The following CUL3 variants were observed in gnomAD, a reference collection of about 807,000 sequenced individuals.
CUL3 encodes cullin 3.
In CUL3, 19 loss-of-function variants were observed where a neutral mutation model predicts 89.1. That is an observed-to-expected ratio of 0.21 (90% confidence interval 0.15 to 0.31). The LOEUF (loss-of-function observed/expected upper bound fraction) is 0.31. CUL3 is among the 10% of genes least tolerant of loss of function. The probability of loss-of-function intolerance (pLI) is 1.00; values close to 1 mark genes in which losing one functional copy is unlikely to be tolerated. For missense variants in CUL3, 469 were observed against 942.3 expected (o/e 0.50, Z 6.58); for synonymous variants, 351 against 308.4 (o/e 1.14, Z -1.45).
At chr2:224,563,122 T>C (rs1008716742) in intron 1 of CUL3, 8 of 389,524 alleles carry the variant, frequency 2.1e-5, no homozygotes, top group African/African-American at 4.3e-5. Context: ...ATATAGCTTT[T>C]TCAAGCTTAG....
chr2:224,486,222 ACTC>A (rs1383242566), intron 13 of CUL3, among the ~76,000 whole-genome samples: 1 of 152,090 alleles, frequency 6.6e-6, no homozygotes, highest in Non-Finnish European at 1.5e-5. Flanking sequence ...AAGGATCAGA[ACTC>A]CTCGCCAGCA....
intron 12 of CUL3, among the ~76,000 whole-genome samples, chr2:224,496,383 T>C (rs1692173320): frequency 6.6e-6 from 1 of 152,170 alleles, no homozygotes; most frequent in Admixed American, 6.5e-5. Context: ...ATAATCTCCA[T>C]CCTCCCCCAA....
At chr2:224,566,917 T>TAAC (rs1255223989) in intron 1 of CUL3, among the ~76,000 whole-genome samples, 1 of 151,982 alleles carries the variant, frequency 6.6e-6, no homozygotes, top group Non-Finnish European at 1.5e-5. Flanking sequence ...AACTTCCTTT[T>TAAC]AACAATGGTC....
chr2:224,574,589 C>T (rs1695257902), intron 1 of CUL3, among the ~76,000 whole-genome samples: 1 of 152,188 alleles, frequency 6.6e-6, no homozygotes, highest in African/African-American at 2.4e-5. Context: ...AGGGAGCTTT[C>T]AAAGATTTCT....
intron 2 of CUL3, among the ~76,000 whole-genome samples, chr2:224,551,466 A>C (rs1694514436): frequency 6.6e-6 from 1 of 151,484 alleles, no homozygotes; most frequent in South Asian, 2.1e-4. Flanking sequence ...GGGCCTCCCA[A>C]AGTGCTGGGA....
chr2:224,489,221 C>A (rs1691859650), intron 13 of CUL3, among the ~76,000 whole-genome samples: 1 of 152,194 alleles, frequency 6.6e-6, no homozygotes, highest in Non-Finnish European at 1.5e-5. Context: ...CCTCTCTCAC[C>A]ACTGCTATTC....
At chr2:224,538,152 T>TAC (rs766201163) in intron 2 of CUL3, among the ~76,000 whole-genome samples, 34 of 151,930 alleles carry the variant, frequency 2.2e-4, no homozygotes, top group African/African-American at 7.5e-4. Flanking sequence ...CAATTATGCA[T>TAC]ACACACACAC....
Position 224,500,558 on chromosome 2 carries a change from G to A in CUL3, c.1486-71C>T. 8 of 1,441,582 alleles carry A rather than the reference G, an allele frequency of 5.5e-6. No homozygotes were observed. The South Asian group carries it at 1.1e-4, about 19-fold the overall frequency. The allele number at this position is 1,441,582 out of a possible 1,614,324, so 89.3% of individuals were successfully genotyped here. A position where few individuals can be genotyped will look rare whatever the true frequency, so the allele number is the denominator to read the frequency against. ...TTGCTTTCTGTTCTGTTTAGACATTGTGTTAGATTTACCAAAGCAGTTAGC... is the reference window on the plus strand; with the variant it reads ...TTGCTTTCTGTTCTGTTTAGACATTATGTTAGATTTACCAAAGCAGTTAGC... On this transcript the variant is annotated intron_variant, in intron 10 of 15. Coordinates refer to ENST00000264414, the MANE Select transcript of CUL3 (RefSeq NM_003590.5).
chr2:224,575,111 G>A (rs908997638), intron 1 of CUL3, among the ~76,000 whole-genome samples: 26 of 152,270 alleles, frequency 1.7e-4, no homozygotes, highest in South Asian at 4.1e-4. Flanking sequence ...TAATTGAAAG[G>A]GAAGAATGCT....
chr2:224,575,173 T>C (rs879416783), intron 1 of CUL3, among the ~76,000 whole-genome samples: 7 of 152,166 alleles, frequency 4.6e-5, no homozygotes, highest in Admixed American at 4.6e-4. Context: ...ACTGATGTAG[T>C]AGTTAGGTTT....
chr2:224,505,756 A>G, intron 8 of CUL3, 200 bp downstream of exon 8: 1 of 307,046 alleles, frequency 3.3e-6, no homozygotes. Flanking sequence ...TTTTGAAGCC[A>G]ATTACACATT....
Position 224,506,056 on chromosome 2 carries a change from G to C in CUL3, c.1106C>G (p.Thr369Ser), listed in dbSNP as rs1692588686. Residue 369 changes from threonine (T) to serine (S), a missense_variant, in exon 8 of 16, where the codon ACT becomes AGT. By Grantham distance (58) the Thr-to-Ser change is moderately conservative (BLOSUM62 1). Around this residue, in one of 4 missense-constraint regions of CUL3, gnomAD observed 370 missense variants for 733.2 expected, o/e 0.50. Coordinates refer to ENST00000264414, the MANE Select transcript of CUL3 (RefSeq NM_003590.5). ...SFNNDRLFKQ[T>S]IAGDFEYFLN... ...AAAATACTCAAAGTCACCCGCAATA[G>C]TTTGTTTAAAGAGACGGTCATTGTT... 6.2e-7 allele frequency: 1 copy of C among 1,612,876 alleles called. No homozygotes were observed. The highest frequency in any genetic ancestry group is 8.5e-7 in the Non-Finnish European group (1 of 1,179,302).
At position 224,557,819 on chromosome 2, in the gene CUL3, T is replaced by C. The variant is rs749470638; in HGVS notation, c.104A>G (p.Asp35Gly). The change falls in exon 2 of 16, where the codon GAC (aspartate) becomes GGC (glycine). Residue 35 changes from aspartate to glycine, a missense_variant. Asp to Gly is a moderately conservative substitution (Grantham distance 94). Around this residue, in one of 4 missense-constraint regions of CUL3, gnomAD observed 370 missense variants for 733.2 expected, o/e 0.50. Transcript: ENST00000264414. ...MDEKYVNSIW[D>G]LLKNAIQEIQ... ...TTCTTGAATTGCATTTTTCAGAAGG[T>C]CCCAAATGCTGTTTACATATTTTTC... The C allele has an allele frequency of 7.0e-7, 1 of 1,421,730 alleles. No homozygotes were observed. Among genetic ancestry groups the C allele is most frequent in the South Asian group, 1.1e-5 (1 of 88,466 alleles). The allele number at this position is 1,421,730 out of a possible 1,614,324, so 88.1% of individuals were successfully genotyped here.
chr2:224,514,546 C>T lies in CUL3; in HGVS notation c.539+66G>A. On this transcript the variant is annotated intron_variant, in intron 4 of 15. Coordinates refer to ENST00000264414, the MANE Select transcript of CUL3 (RefSeq NM_003590.5). ...TTTATTTATTTTAATAAAACTAAGA[C>T]AGTGAATCGTTCTCAAGATATAATC... The T allele has an allele frequency of 3.1e-6, 4 of 1,294,864 alleles. No homozygotes were observed. The Admixed American group carries it at 6.4e-5, about 21-fold the overall frequency. 80.2% of individuals were successfully genotyped at this position (1,294,864 alleles called of 1,614,324 possible).
chr2:224,584,686 G>A (rs1050448346), intron 1 of CUL3, among the ~76,000 whole-genome samples: 31 of 150,458 alleles, frequency 2.1e-4, no homozygotes, highest in African/African-American at 6.0e-4. Context: ...GACGCCCGCG[G>A]AGCGGCTGAA....
intron 3 of CUL3, among the ~76,000 whole-genome samples, chr2:224,534,196 T>C (rs2106261068): frequency 6.6e-6 from 1 of 152,244 alleles, no homozygotes; most frequent in East Asian, 1.9e-4. Context: ...CAAATTTTTT[T>C]TAACTGGAAT....
chr2:224,515,002 A>T (rs1416518667), intron 3 of CUL3, among the ~76,000 whole-genome samples: 1 of 152,204 alleles, frequency 6.6e-6, no homozygotes, highest in Non-Finnish European at 1.5e-5. Context: ...TACCTAAAGA[A>T]AAAGGGTAAA....
At chr2:224,535,430 A>G (rs1693859638) in intron 3 of CUL3, 98 bp downstream of exon 3, 7 of 756,794 alleles carry the variant, frequency 9.2e-6, no homozygotes, top group South Asian at 3.7e-5. Flanking sequence ...TTGGCCTCCC[A>G]AAGTGCTGGG....
intron 1 of CUL3, among the ~76,000 whole-genome samples, chr2:224,581,596 A>T (rs533078295): frequency 6.7e-6 from 1 of 148,386 alleles, no homozygotes; most frequent in South Asian, 2.2e-4. Flanking sequence ...TCTGCCTCCC[A>T]GGTTCAAGTG....
Sources: gnomAD v4.1 joint callset for allele counts (sites outside exome capture counted in the v4.1 genomes callset) on GRCh38, gnomAD v4.1.1 for gene constraint, gnomAD v4.1.1 regional missense constraint, MANE v1.5 for transcripts, NCBI Gene and HGNC (gene_info 2026-07-23, HGNC 2026-07-21) for gene names.